The following PRDX2 variants were observed in gnomAD, a reference collection of about 807,000 sequenced individuals.
PRDX2 encodes peroxiredoxin 2.
In PRDX2, 10 loss-of-function variants were observed where a neutral mutation model predicts 19.8. The observed-to-expected ratio is 0.50, with a 90% CI of 0.31 to 0.86. The LOEUF is 0.86. PRDX2 is among the 40% of genes least tolerant of loss of function. The probability of loss-of-function intolerance (pLI) is 0.04; values close to 1 mark genes in which losing one functional copy is unlikely to be tolerated. For missense variants in PRDX2, 226 were observed against 260.1 expected (o/e 0.87, Z 0.90); for synonymous variants, 118 against 108.2 (o/e 1.09, Z -0.56).
rs553067354 is a variant in PRDX2, at chr19:12,800,051, G to A, written c.381-62C>T. 5.7e-5 allele frequency: 91 copies of A among 1,604,044 alleles called. No individual in the cohort carries two copies. In the African/African-American group the frequency reaches 9.0e-4, roughly 16 times the overall value. On this transcript the variant is annotated intron_variant, in intron 4 of 5. Transcript: ENST00000301522. ...CTCCCACTGCCAGAGACAAGGAAGG[G>A]ACTACCAACCACCCGCTGCTAGCCA... is the stretch of plus-strand genomic sequence containing the variant.
At chr19:12,800,347 C>G in intron 3 of PRDX2, 48 bp from the exon 4 acceptor site, 1 of 1,590,538 alleles carries the variant, frequency 6.3e-7, no homozygotes, top group Non-Finnish European at 8.6e-7. Flanking sequence ...CCTGGCACAG[C>G]AGGGTCCTCA....
rs1220840623 is a variant in PRDX2 at position 12,797,705 on chromosome 19, T to A, written c.512-539A>T. On this transcript the variant is annotated intron_variant, in intron 5 of 5. Transcript: ENST00000301522. The stretch of plus-strand genomic sequence containing the variant: ...CAGAGTCCTCCTCTGTTGCCCAGGC[T>A]GGAGTGCAATGGCGTGATCTCGGCT... Among the ~76,000 whole-genome samples the A allele has an allele frequency of 1.3e-5, 2 of 148,708 alleles. 1 individual carries two copies. Among genetic ancestry groups the A allele is most frequent in the Non-Finnish European group, 3.0e-5 (2 of 67,388 alleles).
At chr19:12,798,991 C>T (rs574652461) in intron 5 of PRDX2, among the ~76,000 whole-genome samples, 6 of 149,548 alleles carry the variant, frequency 4.0e-5, no homozygotes, top group Middle Eastern at 3.7e-3. Flanking sequence ...AACCTCCTCC[C>T]GGGTTCAAGG....
At position 12,797,102 on chromosome 19, in the gene PRDX2, T is replaced by A; in HGVS notation, c.576A>T (p.Glu192Asp). The A allele has an allele frequency of 1.2e-6, 2 of 1,614,160 alleles. No homozygotes were observed. Among genetic ancestry groups the A allele is most frequent in the Non-Finnish European group, 1.7e-6 (2 of 1,180,036 alleles). ...TIKPNVDDSK[E>D]YFSKHN ...CAGCCTAATTGTGTTTGGAGAAATA[T>A]TCCTTGCTGTCATCCACGTTGGGCT... The change falls in exon 6 of 6, where the codon GAA (glutamate) becomes GAT (aspartate). Residue 192 changes from glutamate (E) to aspartate (D), a missense_variant. Physicochemically the swap from Glu to Asp is conservative, Grantham distance 45 (BLOSUM62 2). Coordinates refer to ENST00000301522, the MANE Select transcript of PRDX2 (RefSeq NM_005809.6).
rs758264873 is a variant in PRDX2, at chr19:12,800,316, C to CA, written c.258-18dup. 9.3e-6 allele frequency: 15 copies of CA among 1,607,278 alleles called. No individual in the cohort carries two copies. In the Admixed American group the frequency reaches 2.5e-4, roughly 27 times the overall value. On this transcript the variant is annotated splice_polypyrimidine_tract_variant and intron_variant, in intron 3 of 5. Coordinates refer to ENST00000301522, the MANE Select transcript of PRDX2 (RefSeq NM_005809.6). The stretch of plus-strand genomic sequence containing the variant: ...GTGTTGATCCTGGGAGTAGGGGAGA[C>CA]AGAGTTGGGGCCTCAGGATGCCTGG...
At chr19:12,799,022 C>T (rs1377740292) in intron 5 of PRDX2, among the ~76,000 whole-genome samples, 2 of 151,674 alleles carry the variant, frequency 1.3e-5, no homozygotes, top group African/African-American at 2.4e-5. Context: ...CCTCAGCCTC[C>T]CAAGTAGCTG....
chr19:12,799,065 A>AT (rs918983541), intron 5 of PRDX2, among the ~76,000 whole-genome samples: 7 of 150,330 alleles, frequency 4.7e-5, no homozygotes, highest in Admixed American at 4.0e-4. Context: ...CACCCAGCTA[A>AT]TTTTTTTGTA....
At position 12,797,153 on chromosome 19, in the gene PRDX2, G is replaced by A. The variant is rs1455166574; in HGVS notation, c.525C>T (p.Gly175=). The A allele has an allele frequency of 6.2e-7, 1 of 1,614,044 alleles. No individual in the cohort carries two copies. The highest frequency in any genetic ancestry group is 1.1e-5 in the South Asian group (1 of 91,072). The change falls in exon 6 of 6, where the codon GGC becomes GGT. Residue 175 remains glycine, a synonymous_variant. Coordinates refer to ENST00000301522, the MANE Select transcript of PRDX2 (RefSeq NM_005809.6). Reference sequence around the variant, plus strand: ...TAATCGTGTCACTGCCAGGCTTCCAGCCAGCGGGACAAACTGTGGGAAGAC... The same window carrying A: ...TAATCGTGTCACTGCCAGGCTTCCAACCAGCGGGACAAACTGTGGGAAGAC... ...TDEHGEVCPA[G]WKPGSDTIKP...
At chr19:12,798,292 G>C (rs969625290) in intron 5 of PRDX2, among the ~76,000 whole-genome samples, 1 of 151,250 alleles carries the variant, frequency 6.6e-6, no homozygotes, top group Non-Finnish European at 1.5e-5. Flanking sequence ...TGATCCGCCC[G>C]CCTCAGCCTC....
intron 5 of PRDX2, chr19:12,799,549 G>C (rs367886431): frequency 8.7e-6 from 2 of 230,340 alleles, no homozygotes; most frequent in Non-Finnish European, 1.8e-5. Flanking sequence ...TCGTAGAGAC[G>C]GGGTTTCACC....
At chr19:12,799,541 G>T (rs187216502) in intron 5 of PRDX2, 2 of 225,228 alleles carry the variant, frequency 8.9e-6, no homozygotes, top group East Asian at 2.3e-4. Flanking sequence ...TGTGTTCTTC[G>T]TAGAGACGGG....
intron 5 of PRDX2, among the ~76,000 whole-genome samples, chr19:12,798,983 C>G (rs1181235476): frequency 6.6e-6 from 1 of 151,742 alleles, no homozygotes; most frequent in Non-Finnish European, 1.5e-5. Flanking sequence ...CTTACTGCAA[C>G]CTCCTCCCGG....
rs1279494232 is a variant in PRDX2 at position 12,801,056 on chromosome 19, G to C, written c.117C>G (p.Val39=). The C allele has an allele frequency of 6.2e-7, 1 of 1,610,816 alleles. No individual in the cohort carries two copies. Among genetic ancestry groups the C allele is most frequent in the East Asian group, 2.2e-5 (1 of 44,836 alleles). The part of the protein sequence containing the change: ...KLSDYKGKYV[V]LFFYPLDFTF... ...TGAAGTCCAGAGGGTAGAAAAAGAG[G>C]ACCACGTACTTCCCTGGGGAGGAGG... Residue 39 remains valine (V), a synonymous_variant, in exon 3 of 6, where the codon GTC becomes GTG. Transcript: ENST00000301522.
At chr19:12,800,131 TG>T in intron 4 of PRDX2, 45 bp downstream of exon 4, 1 of 1,606,240 alleles carries the variant, frequency 6.2e-7, no homozygotes, top group Non-Finnish European at 8.5e-7. Flanking sequence ...ATCACAGGAA[TG>T]GGGGGCAGGG....
chr19:12,797,656 C>CTTTCTTTTTTTTTTTTTTTTTTTTT (rs1321932913), intron 5 of PRDX2, among the ~76,000 whole-genome samples: 7 of 113,062 alleles, frequency 6.2e-5, no homozygotes, highest in Admixed American at 9.5e-5. Flanking sequence ...TTCTTTCTTT[C>CTTTCTTTTTTTTTTTTTTTTTTTTT]TTTTTTTTTT....
rs530264972 is a variant in PRDX2, at chr19:12,799,769, C to G, written c.511+90G>C. 1.7e-5 allele frequency: 26 copies of G among 1,524,686 alleles called. No homozygotes were observed. In the South Asian group the frequency reaches 2.7e-4, roughly 16 times the overall value. 94.4% of individuals were successfully genotyped at this position (1,524,686 alleles called of 1,614,324 possible). ...TCTTCTTTGGGGCCCTAACACCCAT[C>G]TGGACAGGTAAGAGGACAGGCAGTG... On this transcript the variant is annotated intron_variant, in intron 5 of 5. Coordinates refer to ENST00000301522, the MANE Select transcript of PRDX2 (RefSeq NM_005809.6).
intron 3 of PRDX2, 111 bp from the exon 4 acceptor site, chr19:12,800,410 A>C: frequency 7.1e-7 from 1 of 1,411,254 alleles, no homozygotes; most frequent in East Asian, 2.3e-5. Context: ...GGGGCTTTAG[A>C]GTAGGCCGCT....
chr19:12,798,414 C>T lies in PRDX2; in HGVS notation c.512-1248G>A, dbSNP rs559616932. Among the ~76,000 whole-genome samples the T allele has an allele frequency of 7.3e-5, 11 of 150,796 alleles. No individual in the cohort carries two copies. The South Asian group carries it at 1.0e-3, about 14-fold the overall frequency. ...TTGCCCAGGCTGGAGTGCAATGGCACGATCTCAGCTCACTGCAACCTCCGC... is the reference window on the plus strand; with the variant it reads ...TTGCCCAGGCTGGAGTGCAATGGCATGATCTCAGCTCACTGCAACCTCCGC... On this transcript the variant is annotated intron_variant, in intron 5 of 5. Transcript: ENST00000301522.
rs1968800991 is a variant in PRDX2 at position 12,797,015 on chromosome 19, G to A, written c.*66C>T. 6.5e-7 allele frequency: 1 copy of A among 1,546,934 alleles called. No homozygotes were observed. The highest frequency in any genetic ancestry group is 2.2e-5 in the East Asian group (1 of 44,460). On this transcript the variant is annotated 3_prime_UTR_variant, in exon 6 of 6. Coordinates refer to ENST00000301522, the MANE Select transcript of PRDX2 (RefSeq NM_005809.6). ...GGGTCAGCATAGGGCACCCAGGTGG[G>A]GGCACAGGTGGACACCCAGCACAGG...
Sources: allele counts gnomAD v4.1 joint callset (sites outside exome capture counted in the v4.1 genomes callset), GRCh38; gene constraint gnomAD v4.1.1; transcripts MANE v1.5; gene names NCBI Gene and HGNC (gene_info 2026-07-23, HGNC 2026-07-21).